Variants in THADA observed in about 807,000 individuals in gnomAD.
THADA encodes the protein tRNA (32-2'-O)-methyltransferase regulator THADA.
THADA carries 213 observed loss-of-function variants against 219.8 expected under a neutral mutation model. The ratio of observed to expected loss-of-function variants is 0.97; its 90% CI spans 0.87 to 1.09. The LOEUF is 1.09. Among genes scored for constraint, THADA ranks in the 50% least tolerant of loss-of-function variants. The pLI, the probability that THADA is intolerant of heterozygous loss-of-function variation, is 0.00. For missense variants in THADA, 2,956 were observed against 2,311.3 expected (o/e 1.28, Z -5.72); for synonymous variants, 1,018 against 828.9 (o/e 1.23, Z -3.92).
intron 22 of THADA, among the ~76,000 whole-genome samples, chr2:43,511,188 T>C (rs1012609404): frequency 3.3e-5 from 5 of 152,112 alleles, no homozygotes; most frequent in African/African-American, 9.7e-5. Context: ...GGTCGTCTCC[T>C]GTAGGGGATT....
intron 20 of THADA, among the ~76,000 whole-genome samples, chr2:43,546,547 G>C (rs919562790): frequency 6.6e-6 from 1 of 152,086 alleles, no homozygotes; most frequent in African/African-American, 2.4e-5. Flanking sequence ...TATGAATCTG[G>C]GTGCTCCTGC....
At chr2:43,466,818 T>C (rs1684294851) in intron 26 of THADA, among the ~76,000 whole-genome samples, 2 of 152,186 alleles carry the variant, frequency 1.3e-5, no homozygotes, top group South Asian at 4.1e-4. Context: ...CAATATGACC[T>C]TATTTTCTTA....
At chr2:43,493,303 T>C (rs1687877989) in intron 25 of THADA, among the ~76,000 whole-genome samples, 1 of 152,192 alleles carries the variant, frequency 6.6e-6, no homozygotes. Context: ...GAGACCATTC[T>C]AGCCAACATG....
chr2:43,269,460 G>A (rs569344263), intron 36 of THADA, among the ~76,000 whole-genome samples: 43 of 152,322 alleles, frequency 2.8e-4, no homozygotes, highest in African/African-American at 1.0e-3. Flanking sequence ...GCAGATCGAA[G>A]ACGGGAGCAT....
At chr2:43,253,977 G>A (rs1670061299) in intron 36 of THADA, among the ~76,000 whole-genome samples, 1 of 152,038 alleles carries the variant, frequency 6.6e-6, no homozygotes, top group Non-Finnish European at 1.5e-5. Context: ...TCCCTCTGGA[G>A]ACCCAGCCCC....
chr2:43,428,036 A>T (rs1428740356), intron 28 of THADA, 64 bp downstream of exon 28: 6 of 1,186,910 alleles, frequency 5.1e-6, no homozygotes, highest in Non-Finnish European at 6.8e-6. Flanking sequence ...AATAAGAAGA[A>T]GATAAAATAT....
chr2:43,477,841 T>C (rs1474260982), intron 26 of THADA, among the ~76,000 whole-genome samples: 1 of 152,252 alleles, frequency 6.6e-6, no homozygotes, highest in East Asian at 1.9e-4. Flanking sequence ...ATCTGATTCA[T>C]CTTTTAATTT....
At chr2:43,248,162 TATAGAGAGAG>T (rs1379051056) in intron 36 of THADA, among the ~76,000 whole-genome samples, 229 of 44,302 alleles carry the variant, frequency 5.2e-3, no homozygotes, top group South Asian at 7.4e-3. Flanking sequence ...TATATATATA[TATAGAGAGAG>T]AGAGAGAGAG....
chr2:43,326,235 G>A (rs769803046), intron 30 of THADA, among the ~76,000 whole-genome samples: 1 of 151,800 alleles, frequency 6.6e-6, no homozygotes, highest in African/African-American at 2.4e-5. Flanking sequence ...AGTCATGCTA[G>A]AGTATGATGG....
At chr2:43,491,040 T>A (rs966332023) in intron 25 of THADA, among the ~76,000 whole-genome samples, 1 of 152,120 alleles carries the variant, frequency 6.6e-6, no homozygotes, top group East Asian at 1.9e-4. Context: ...CAGAAGAGTG[T>A]CCCCTAGATT....
At position 43,572,950 on chromosome 2, in the gene THADA, C is replaced by T; in HGVS notation, c.1772G>A (p.Arg591Lys). ...TGCCATCAAAGCTCCCAGAGCCCCC[C>T]TGCTATTACAAGACCCTAAGGATGG... is the stretch of plus-strand genomic sequence containing the variant. ...SFPSLGSCNS[R>K]GALGALMACL... The change falls in exon 12 of 38, where the codon AGG becomes AAG. Residue 591 changes from arginine to lysine, a missense_variant. Coordinates refer to ENST00000405975, the MANE Select transcript of THADA (RefSeq NM_022065.5). 6.2e-7 allele frequency: 1 copy of T among 1,613,950 alleles called. No homozygotes were observed. The highest frequency in any genetic ancestry group is 8.5e-7 in the Non-Finnish European group (1 of 1,179,856).
At chr2:43,548,483 G>A (rs1188550213) in intron 20 of THADA, among the ~76,000 whole-genome samples, 3 of 152,214 alleles carry the variant, frequency 2.0e-5, no homozygotes, top group African/African-American at 4.8e-5. Context: ...GGAGCCTACA[G>A]AGGCAGGCAG....
chr2:43,541,037 A>G, intron 21 of THADA, 122 bp downstream of exon 21: 1 of 959,022 alleles, frequency 1.0e-6, no homozygotes, highest in South Asian at 2.4e-5. Context: ...TTCTTCAGTT[A>G]ACATTTGTAT....
intron 15 of THADA, chr2:43,564,702 T>C (rs1489230574): frequency 3.3e-5 from 5 of 152,242 alleles, no homozygotes; most frequent in African/African-American, 1.2e-4. Context: ...TCATATTTCC[T>C]ATTATAAAAA....
chr2:43,417,444 A>T (rs1677140219), intron 28 of THADA, among the ~76,000 whole-genome samples: 1 of 152,154 alleles, frequency 6.6e-6, no homozygotes, highest in African/African-American at 2.4e-5. Context: ...AGTGTTTCTC[A>T]AGAATCTCAA....
chr2:43,385,391 G>C (rs1305398358), intron 29 of THADA, among the ~76,000 whole-genome samples: 1 of 152,022 alleles, frequency 6.6e-6, no homozygotes, highest in Non-Finnish European at 1.5e-5. Context: ...CGGATCACGA[G>C]GTCAGGAGAT....
At chr2:43,515,036 AT>A (rs1186511208) in intron 22 of THADA, among the ~76,000 whole-genome samples, 2 of 39,390 alleles carry the variant, frequency 5.1e-5, no homozygotes, top group African/African-American at 2.1e-4. Context: ...TATAATATAT[AT>A]AAATATATAT....
At chr2:43,375,407 GAAGT>G (rs746046330) in intron 29 of THADA, among the ~76,000 whole-genome samples, 1 of 152,228 alleles carries the variant, frequency 6.6e-6, no homozygotes, top group Non-Finnish European at 1.5e-5. Flanking sequence ...AAGTAGGAAT[GAAGT>G]AAGTATAATA....
chr2:43,537,084 T>C (rs1694704335), intron 21 of THADA, among the ~76,000 whole-genome samples: 1 of 152,232 alleles, frequency 6.6e-6, no homozygotes, highest in Admixed American at 6.5e-5. Flanking sequence ...ACAGTTAATG[T>C]TTTAAACTGT....
Sources: allele counts gnomAD v4.1 joint callset (sites outside exome capture counted in the v4.1 genomes callset), GRCh38; gene constraint gnomAD v4.1.1; transcripts MANE v1.5; gene names NCBI Gene and HGNC (gene_info 2026-07-23, HGNC 2026-07-21).